NUDT6: variants seen among roughly 807,000 people sequenced by gnomAD.
NUDT6 encodes FAD diphosphatase NUDT6.
A neutral mutation model predicts 36.8 loss-of-function variants in NUDT6; 24 were observed. The observed-to-expected ratio is 0.65, with a 90% CI of 0.47 to 0.92. The LOEUF (loss-of-function observed/expected upper bound fraction) is 0.92. Among genes scored for constraint, NUDT6 ranks in the 40% least tolerant of loss-of-function variants. The pLI is 0.00. For missense variants in NUDT6, 388 were observed against 392.8 expected (o/e 0.99, Z 0.10); for synonymous variants, 163 against 157.0 (o/e 1.04, Z -0.29).
intron 3 of NUDT6, among the ~76,000 whole-genome samples, chr4:122,901,031 T>C: frequency 6.6e-6 from 1 of 152,212 alleles, no homozygotes; most frequent in East Asian, 1.9e-4. Context: ...GATATCTCTA[T>C]GCCTCAAGTG....
intron 4 of NUDT6, chr4:122,894,722 T>A (rs111907203): frequency 2.8e-4 from 42 of 152,328 alleles, no homozygotes; most frequent in African/African-American, 9.6e-4. Flanking sequence ...TGTTTAAATG[T>A]CCATTTTTAT....
intron 1 of NUDT6, chr4:122,919,329 G>C (rs749948707): frequency 6.6e-6 from 1 of 152,334 alleles, no homozygotes; most frequent in Non-Finnish European, 1.5e-5. Flanking sequence ...CGATTCTCCT[G>C]TCTCAGCCTC....
chr4:122,894,770 G>A (rs886977351), intron 4 of NUDT6: 1 of 151,894 alleles, frequency 6.6e-6, no homozygotes, highest in Non-Finnish European at 1.5e-5. Flanking sequence ...GGAAATACAT[G>A]TTTGTTATTA....
At chr4:122,910,853 C>T (rs1403280304) in intron 3 of NUDT6, among the ~76,000 whole-genome samples, 4 of 151,988 alleles carry the variant, frequency 2.6e-5, no homozygotes, top group African/African-American at 7.2e-5. Context: ...CTGCTGATTC[C>T]GTTTTGTCTC....
At chr4:122,907,865 T>G (rs1387838346) in intron 3 of NUDT6, among the ~76,000 whole-genome samples, 1 of 152,202 alleles carries the variant, frequency 6.6e-6, no homozygotes, top group Non-Finnish European at 1.5e-5. Flanking sequence ...CTGGTAACAG[T>G]AATCTGTAGA....
At chr4:122,922,604 A>G (rs753785256), upstream of NUDT6, 10 of 1,553,152 alleles carry the variant, frequency 6.4e-6, no homozygotes, top group South Asian at 9.2e-5. Flanking sequence ...CGTTGCCCAA[A>G]TGACCCCTCC....
rs1553952472 is a variant in NUDT6 at position 122,915,473 on chromosome 4, A to AAAAAAAAAAAC, written c.442+2027_442+2028insGTTTTTTTTTT. 5.9e-3 allele frequency among the ~76,000 whole-genome samples: 168 copies of AAAAAAAAAAAC among 28,340 alleles called. 4 individuals carry two copies. Among genetic ancestry groups the AAAAAAAAAAAC allele is most frequent in the African/African-American group, 0.021 (158 of 7,526 alleles). 18.6% of individuals were successfully genotyped at this position (28,340 alleles called of 152,430 possible). A position where few individuals can be genotyped will look rare whatever the true frequency, so the allele number is the denominator to read the frequency against. On this transcript the variant is annotated intron_variant, in intron 2 of 4. Coordinates refer to ENST00000304430, the MANE Select transcript of NUDT6 (RefSeq NM_007083.5). ...TGACAAAGTGAGACCCTGCCTCAAA[A>AAAAAAAAAAAC]AAAAAAAAAAAAAAAAAAAAAAAAA... is the stretch of plus-strand genomic sequence containing the variant.
Position 122,917,483 on chromosome 4 carries a change from C to G in NUDT6, c.442+18G>C, listed in dbSNP as rs1256800934. ...CGTCTAAAAAGTTAATTCTGCTCAT[C>G]ATGAGTTTGAAACTGACCTGCAACT... On this transcript the variant is annotated intron_variant, in intron 2 of 4. Transcript: ENST00000304430. 1 of 1,607,570 alleles carries G rather than the reference C, an allele frequency of 6.2e-7. No individual in the cohort carries two copies. The highest frequency in any genetic ancestry group is 8.5e-7 in the Non-Finnish European group (1 of 1,174,148).
At chr4:122,910,493 G>A (rs1160748773) in intron 3 of NUDT6, among the ~76,000 whole-genome samples, 1 of 152,152 alleles carries the variant, frequency 6.6e-6, no homozygotes, top group Non-Finnish European at 1.5e-5. Context: ...AACCAACCCT[G>A]AAGGACTGCT....
chr4:122,914,065 A>G (rs1029009658), intron 2 of NUDT6, among the ~76,000 whole-genome samples: 2 of 152,120 alleles, frequency 1.3e-5, no homozygotes, highest in African/African-American at 2.4e-5. Context: ...CACAAATGAA[A>G]CTCCCTATCC....
intron 3 of NUDT6, among the ~76,000 whole-genome samples, chr4:122,899,747 T>C (rs1727472689): frequency 6.6e-6 from 1 of 152,082 alleles, no homozygotes; most frequent in Non-Finnish European, 1.5e-5. Flanking sequence ...ACTTGAGCCT[T>C]GGAGTTCAAG....
intron 3 of NUDT6, among the ~76,000 whole-genome samples, chr4:122,903,213 A>G (rs938709250): frequency 1.1e-4 from 17 of 152,198 alleles, no homozygotes; most frequent in African/African-American, 4.1e-4. Flanking sequence ...AAAAAATCAA[A>G]ACCCTACTTA....
chr4:122,908,548 T>C (rs951057781), intron 3 of NUDT6, among the ~76,000 whole-genome samples: 1 of 152,176 alleles, frequency 6.6e-6, no homozygotes, highest in Non-Finnish European at 1.5e-5. Context: ...CACATATTGA[T>C]TTATGTCTCT....
intron 2 of NUDT6, among the ~76,000 whole-genome samples, chr4:122,915,367 G>A (rs1727807414): frequency 6.6e-6 from 1 of 151,562 alleles, no homozygotes; most frequent in Non-Finnish European, 1.5e-5. Flanking sequence ...CTACTTGGGA[G>A]GCTAAGGCAG....
chr4:122,897,761 T>C (rs1187440065), intron 3 of NUDT6, 83 bp from the exon 4 acceptor site: 2 of 943,580 alleles, frequency 2.1e-6, no homozygotes, highest in East Asian at 2.4e-5. Flanking sequence ...CCACCTATAA[T>C]TGGTCAAAGT....
In NUDT6 at chr4:122,892,746, C is replaced by CAG. The variant is rs1727221552; in HGVS notation, c.*80_*81dup. On this transcript the variant is annotated 3_prime_UTR_variant, in exon 5 of 5. Coordinates refer to ENST00000304430, the MANE Select transcript of NUDT6 (RefSeq NM_007083.5). Reference sequence around the variant, plus strand: ...ATCATATACATTAGAAAATCACAGTCAGATGTTTAATCAATCCAAAATGTC... The same window carrying CAG: ...ATCATATACATTAGAAAATCACAGTCAGAGATGTTTAATCAATCCAAAATGTC... The CAG allele has an allele frequency of 4.4e-6, 6 of 1,355,886 alleles. No homozygotes were observed. The highest frequency in any genetic ancestry group is 6.0e-6 in the Non-Finnish European group (6 of 1,008,004). 84.0% of individuals were successfully genotyped at this position (1,355,886 alleles called of 1,614,324 possible). A position where few individuals can be genotyped will look rare whatever the true frequency, so the allele number is the denominator to read the frequency against.
intron 3 of NUDT6, among the ~76,000 whole-genome samples, chr4:122,905,462 C>T (rs1287549671): frequency 3.3e-5 from 5 of 152,050 alleles, no homozygotes; most frequent in Non-Finnish European, 7.4e-5. Flanking sequence ...TATTTGAATG[C>T]GAATGAGGAT....
At position 122,922,415 on chromosome 4, in the gene NUDT6, A is replaced by T; in HGVS notation, c.158T>A (p.Phe53Tyr). 6.2e-7 allele frequency: 1 copy of T among 1,611,206 alleles called. No homozygotes were observed. Residue 53 changes from phenylalanine (F) to tyrosine (Y), a missense_variant, in exon 1 of 5, where the codon TTC (phenylalanine) becomes TAC (tyrosine). Physicochemically the swap from Phe to Tyr is conservative, Grantham distance 22. Transcript: ENST00000304430. ...ACDLQGELDRFGGISVRLARL... is the reference protein window; with the variant it reads ...ACDLQGELDRYGGISVRLARL... ...CGCCAGGCGCACCGAGATGCCCCCG[A>T]ATCTGTCCAGCTCGCCCTGCAGATC...
rs753601927 is a variant in NUDT6, at chr4:122,892,950, C to G, written c.829G>C (p.Glu277Gln). 10 of 1,614,186 alleles carry G rather than the reference C, an allele frequency of 6.2e-6. No individual in the cohort carries two copies. In the South Asian group the frequency reaches 1.1e-4, roughly 18 times the overall value. ...VARLLLYGYR[E>Q]GFDKIDLTVE... ...GTCAGGTCAATTTTGTCAAACCCTTCTCTGTACCCATACAGCAGCAGCCTA... is the reference window on the plus strand; with the variant it reads ...GTCAGGTCAATTTTGTCAAACCCTTGTCTGTACCCATACAGCAGCAGCCTA... The change falls in exon 5 of 5, where the codon GAA becomes CAA. Residue 277 changes from glutamate to glutamine, a missense_variant. Physicochemically the swap from Glu to Gln is conservative, Grantham distance 29. Transcript: ENST00000304430.
Sources: gnomAD v4.1 joint callset for allele counts (sites outside exome capture counted in the v4.1 genomes callset) on GRCh38, gnomAD v4.1.1 for gene constraint, MANE v1.5 for transcripts, NCBI Gene and HGNC (gene_info 2026-07-23, HGNC 2026-07-21) for gene names.